The following SNX24 variants were observed in gnomAD, a reference collection of about 807,000 sequenced individuals.
SNX24 encodes sorting nexin 24, also known as sorting nexin-24.
A neutral mutation model predicts 28.7 loss-of-function variants in SNX24; 22 were observed. The ratio of observed to expected loss-of-function variants is 0.77; its 90% confidence interval spans 0.55 to 1.10. The LOEUF (loss-of-function observed/expected upper bound fraction) is 1.10. Ranked by LOEUF, SNX24 falls within the 50% of genes least tolerant of loss-of-function variation. SNX24 has a pLI of 0.00. For missense variants in SNX24, 221 were observed against 201.1 expected (o/e 1.10, Z -0.60); for synonymous variants, 69 against 71.5 (o/e 0.96, Z 0.18).
chr5:122,910,689 A>G (rs542739289), intron 1 of SNX24, among the ~76,000 whole-genome samples: 5 of 136,520 alleles, frequency 3.7e-5, no homozygotes, highest in South Asian at 4.7e-4. Flanking sequence ...TCATTGTTCA[A>G]TTCCCATCTA....
chr5:122,895,177 T>C (rs994224570), intron 1 of SNX24, among the ~76,000 whole-genome samples: 1 of 151,892 alleles, frequency 6.6e-6, no homozygotes, highest in African/African-American at 2.4e-5. Context: ...AGCCTATTCA[T>C]GGTTAAAAAA....
chr5:122,987,047 A>G (rs971289836), intron 3 of SNX24, among the ~76,000 whole-genome samples: 26 of 152,180 alleles, frequency 1.7e-4, no homozygotes, highest in African/African-American at 6.0e-4. Flanking sequence ...GAGGAGGAGA[A>G]GATCGATGGA....
chr5:122,981,562 C>T (rs1761393154), intron 3 of SNX24, among the ~76,000 whole-genome samples: 1 of 152,192 alleles, frequency 6.6e-6, no homozygotes, highest in Admixed American at 6.5e-5. Flanking sequence ...ATAACAGCCT[C>T]AATATTTGCC....
intron 5 of SNX24, chr5:123,029,013 G>A: frequency 1.2e-6 from 1 of 858,560 alleles, no homozygotes; most frequent in African/African-American, 1.7e-5. Context: ...TTTACTGAGA[G>A]AAATTTATCA....
intron 1 of SNX24, among the ~76,000 whole-genome samples, chr5:122,846,942 C>T (rs1295225887): frequency 6.6e-6 from 1 of 150,632 alleles, no homozygotes; most frequent in East Asian, 1.9e-4. Context: ...AACAAACCCT[C>T]GAGTTTGTTC....
intron 3 of SNX24, 35 bp from the exon 4 acceptor site, chr5:122,999,877 A>G (rs747471337): frequency 7.8e-7 from 1 of 1,281,766 alleles, no homozygotes; most frequent in Non-Finnish European, 1.1e-6. Context: ...AGCAAACTTC[A>G]CTTCAGTTTC....
intron 1 of SNX24, among the ~76,000 whole-genome samples, chr5:122,846,655 T>C (rs1044685606): frequency 1.3e-5 from 2 of 152,336 alleles, no homozygotes; most frequent in African/African-American, 2.4e-5. Flanking sequence ...GTTTGGGCCA[T>C]TGTGTTTTCT....
chr5:123,012,317 G>A (rs424262), downstream of SNX24, among the ~76,000 whole-genome samples: 35,209 of 152,116 alleles, frequency 0.23, 5,194 homozygotes, highest in Non-Finnish European at 0.34. Flanking sequence ...CCAAGTGTCC[G>A]GCAATGGATG....
intron 5 of SNX24, among the ~76,000 whole-genome samples, chr5:123,016,741 A>G (rs1190425164): frequency 1.3e-5 from 2 of 152,070 alleles, no homozygotes; most frequent in East Asian, 3.9e-4. Flanking sequence ...AGGGAGGAAG[A>G]AGTGAAGGAT....
At chr5:122,875,552 G>GGT (rs1756186007) in intron 1 of SNX24, among the ~76,000 whole-genome samples, 1 of 152,122 alleles carries the variant, frequency 6.6e-6, no homozygotes, top group African/African-American at 2.4e-5. Flanking sequence ...ACGGGGGAGT[G>GGT]GTATCATCAG....
At chr5:122,912,143 C>T (rs1202438775) in intron 1 of SNX24, among the ~76,000 whole-genome samples, 2 of 137,094 alleles carry the variant, frequency 1.5e-5, no homozygotes, top group Admixed American at 1.5e-4. Flanking sequence ...TCTTTTATTT[C>T]CTTGAGCAGT....
intron 1 of SNX24, among the ~76,000 whole-genome samples, chr5:122,901,679 T>C (rs1273720193): frequency 4.6e-5 from 7 of 152,200 alleles, no homozygotes; most frequent in Admixed American, 4.6e-4. Flanking sequence ...ACTTTACAGA[T>C]TGATCTTACA....
At position 122,999,949 on chromosome 5, in the gene SNX24, T is replaced by G; in HGVS notation, c.287T>G (p.Phe96Cys). Reference protein sequence around the residue: ...ILENEELPKLFLDFLNVRHLP... With the variant: ...ILENEELPKLCLDFLNVRHLP... ...GAAAATGAAGAACTTCCCAAACTGT[T>G]TCTTGATTTCCTAAATGTGCGACAC... Residue 96 changes from phenylalanine (F) to cysteine (C), a missense_variant, in exon 4 of 7, where the codon TTT becomes TGT. Phe to Cys is a radical substitution (Grantham distance 205). Transcript: ENST00000261369. The G allele has an allele frequency of 6.2e-7, 1 of 1,613,612 alleles. No individual in the cohort carries two copies. Among genetic ancestry groups the G allele is most frequent in the Non-Finnish European group, 8.5e-7 (1 of 1,179,482 alleles).
chr5:122,934,296 G>A (rs779823114), intron 1 of SNX24, among the ~76,000 whole-genome samples: 16 of 152,154 alleles, frequency 1.1e-4, no homozygotes, highest in Non-Finnish European at 1.6e-4. Flanking sequence ...GACAACATAT[G>A]TAGGAAAATT....
At chr5:122,849,603 G>A (rs1042349295) in intron 1 of SNX24, among the ~76,000 whole-genome samples, 5 of 152,110 alleles carry the variant, frequency 3.3e-5, no homozygotes, top group Non-Finnish European at 7.4e-5. Context: ...AAAAAAGGGG[G>A]GGGGAGGGGC....
chr5:122,920,440 T>G (rs1049421940), intron 1 of SNX24, among the ~76,000 whole-genome samples: 5 of 152,230 alleles, frequency 3.3e-5, no homozygotes, highest in Admixed American at 2.0e-4. Flanking sequence ...AATGGTACAG[T>G]AAGCATGCAT....
intron 3 of SNX24, among the ~76,000 whole-genome samples, chr5:122,949,982 G>A (rs552229646): frequency 1.3e-5 from 2 of 152,122 alleles, no homozygotes; most frequent in Non-Finnish European, 2.9e-5. Flanking sequence ...ATCATTTTCT[G>A]TTTATTGAAT....
chr5:122,911,372 C>T (rs948613320), intron 1 of SNX24, among the ~76,000 whole-genome samples: 15 of 151,976 alleles, frequency 9.9e-5, no homozygotes, highest in Admixed American at 1.3e-4. Flanking sequence ...GATATTAGCC[C>T]TTCGTCAGAT....
intron 1 of SNX24, among the ~76,000 whole-genome samples, chr5:122,883,689 C>A (rs1360335696): frequency 6.6e-6 from 1 of 152,000 alleles, no homozygotes; most frequent in Non-Finnish European, 1.5e-5. Flanking sequence ...GATCTGTCAC[C>A]CAGGCTGGAG....
Sources: gnomAD v4.1 joint callset for allele counts (sites outside exome capture counted in the v4.1 genomes callset) on GRCh38, gnomAD v4.1.1 for gene constraint, MANE v1.5 for transcripts, NCBI Gene and HGNC (gene_info 2026-07-23, HGNC 2026-07-21) for gene names.